Variants in PKNOX1 observed in about 807,000 individuals in gnomAD.
PKNOX1 encodes PBX/knotted 1 homeobox 1, also known as homeobox protein PKNOX1.
PKNOX1 carries 15 observed loss-of-function variants against 51.9 expected under a neutral mutation model. The ratio of observed to expected loss-of-function variants is 0.29; its 90% CI spans 0.19 to 0.45. The LOEUF (loss-of-function observed/expected upper bound fraction) is 0.45, where lower values mean the gene tolerates loss of function less well. Among genes scored for constraint, PKNOX1 ranks in the 20% least tolerant of loss-of-function variants. The probability of loss-of-function intolerance (pLI) is 1.00; values close to 1 mark genes in which losing one functional copy is unlikely to be tolerated. For missense variants in PKNOX1, 462 were observed against 547.5 expected (o/e 0.84, Z 1.56); for synonymous variants, 219 against 211.1 (o/e 1.04, Z -0.32).
At position 43,032,296 on chromosome 21, in the gene PKNOX1, C is replaced by G. The variant is rs1169231370; in HGVS notation, c.*2195C>G. ...TCCTTAAAATAAGCACCCATGAAAG[C>G]CAGCCAGCCCTTCCTCCTTCCCTCA... On this transcript the variant is annotated 3_prime_UTR_variant, in exon 11 of 11. Coordinates refer to ENST00000291547, the MANE Select transcript of PKNOX1 (RefSeq NM_004571.5). 1 of 357,286 alleles carries G rather than the reference C, an allele frequency of 2.8e-6. No individual in the cohort carries two copies. Among genetic ancestry groups the G allele is most frequent in the East Asian group, 7.6e-5 (1 of 13,106 alleles). The allele number at this position is 357,286 out of a possible 1,614,324, so 22.1% of individuals were successfully genotyped here. A position where few individuals can be genotyped will look rare whatever the true frequency, so the allele number is the denominator to read the frequency against.
chr21:43,015,522 G>C (rs1979451422), intron 5 of PKNOX1, among the ~76,000 whole-genome samples: 1 of 152,156 alleles, frequency 6.6e-6, no homozygotes, highest in Non-Finnish European at 1.5e-5. Context: ...ATATTTGTAA[G>C]GGATATTGGT....
At position 43,018,570 on chromosome 21, in the gene PKNOX1, G is replaced by A. The variant is rs1601298024; in HGVS notation, c.720+340G>A. 4.1e-5 allele frequency among the ~76,000 whole-genome samples: 6 copies of A among 144,702 alleles called. 1 individual carries two copies. Among genetic ancestry groups the A allele is most frequent in the African/African-American group, 1.6e-4 (6 of 38,430 alleles). 94.9% of individuals were successfully genotyped at this position (144,702 alleles called of 152,430 possible). On this transcript the variant is annotated intron_variant, in intron 7 of 10. Transcript: ENST00000291547. ...TGGATCATGTGCACGTGCACCAGGG[G>A]CAGAGGTCTTGTAGGCACACACTCC...
rs1369007977 is a variant in PKNOX1, at chr21:43,033,336, T to A, written c.*3235T>A. The A allele has an allele frequency of 1.3e-5, 2 of 152,586 alleles. No homozygotes were observed. The highest frequency in any genetic ancestry group is 4.8e-5 in the African/African-American group (2 of 41,442). 9.5% of individuals were successfully genotyped at this position (152,586 alleles called of 1,614,324 possible). On this transcript the variant is annotated 3_prime_UTR_variant, in exon 11 of 11. Transcript: ENST00000291547. ...CTGTGTGAGGTAGCAGTGGGCACTT[T>A]TCATTGAGACAAACTCCAGGGTGTC...
chr21:42,977,590 C>T (rs1046534259), intron 1 of PKNOX1, among the ~76,000 whole-genome samples: 3 of 124,862 alleles, frequency 2.4e-5, no homozygotes. Flanking sequence ...TCTTGTTGCC[C>T]AAGCTGGAGA....
At chr21:43,029,042 A>C (rs1042266401) in intron 10 of PKNOX1, 168 bp downstream of exon 10, 2 of 668,334 alleles carry the variant, frequency 3.0e-6, no homozygotes, top group Non-Finnish European at 5.3e-6. Flanking sequence ...TTCTGCGTGC[A>C]CGGGAGCTCT....
At chr21:43,025,826 A>G (rs777326906) in intron 9 of PKNOX1, among the ~76,000 whole-genome samples, 1 of 152,198 alleles carries the variant, frequency 6.6e-6, no homozygotes, top group Non-Finnish European at 1.5e-5. Flanking sequence ...CCAGCAAGAA[A>G]GTCTTTGTCT....
At position 43,021,589 on chromosome 21, in the gene PKNOX1, ACT is replaced by A. The variant is rs926695996; in HGVS notation, c.849+159_849+160del. 6.6e-6 allele frequency among the ~76,000 whole-genome samples: 1 copy of A among 152,164 alleles called. No individual in the cohort carries two copies. Among genetic ancestry groups the A allele is most frequent in the Non-Finnish European group, 1.5e-5 (1 of 68,018 alleles). ...GTCCATAATGTGGGGAGCGTGGGGC[ACT>A]GCTGCAGGGAACTTGAAGGGCAATG... On this transcript the variant is annotated intron_variant, in intron 8 of 10. Coordinates refer to ENST00000291547, the MANE Select transcript of PKNOX1 (RefSeq NM_004571.5). This position sits in a 1 kb window ranked among gnomAD's most constrained non-coding sequence, Gnocchi z 4.6.
intron 1 of PKNOX1, among the ~76,000 whole-genome samples, chr21:42,992,873 GCTT>G (rs1197354365): frequency 8.1e-5 from 12 of 148,312 alleles, no homozygotes; most frequent in Non-Finnish European, 1.6e-4. Flanking sequence ...AGCATTGGGG[GCTT>G]CTTTGATATC....
In PKNOX1 at chr21:43,021,175, C is replaced by A; in HGVS notation, c.721-128C>A. 1.5e-6 allele frequency: 1 copy of A among 683,794 alleles called. No individual in the cohort carries two copies. Among genetic ancestry groups the A allele is most frequent in the Non-Finnish European group, 2.4e-6 (1 of 415,104 alleles). The allele number at this position is 683,794 out of a possible 1,614,324, so 42.4% of individuals were successfully genotyped here. A position where few individuals can be genotyped will look rare whatever the true frequency, so the allele number is the denominator to read the frequency against. ...GAAACATCAGTCCACACAGGGTTCC[C>A]GTGCATGGGCCTCGACTACAATCAT... On this transcript the variant is annotated intron_variant, in intron 7 of 10. Transcript: ENST00000291547. This position sits in a 1 kb window ranked among gnomAD's most constrained non-coding sequence, Gnocchi z 4.6.
intron 5 of PKNOX1, 143 bp from the exon 6 acceptor site, chr21:43,016,765 A>C: frequency 1.8e-6 from 1 of 567,594 alleles, no homozygotes; most frequent in Non-Finnish European, 3.1e-6. Flanking sequence ...GTGCATTCTG[A>C]AGCCGCGTCA....
intron 1 of PKNOX1, among the ~76,000 whole-genome samples, chr21:42,991,100 G>A (rs2059084984): frequency 6.6e-6 from 1 of 152,092 alleles, no homozygotes; most frequent in African/African-American, 2.4e-5. Context: ...ACATTTTGGG[G>A]TAGCATGTCC....
chr21:43,018,474 C>CCACACACACACA, intron 7 of PKNOX1, among the ~76,000 whole-genome samples: 2 of 14,450 alleles, frequency 1.4e-4, no homozygotes, highest in East Asian at 2.4e-3. Context: ...CCCCTGCCAC[C>CCACACACACACA]CACACACACA....
chr21:42,982,010 C>G (rs1483520332), intron 1 of PKNOX1, among the ~76,000 whole-genome samples: 1 of 152,226 alleles, frequency 6.6e-6, no homozygotes, highest in Non-Finnish European at 1.5e-5. Flanking sequence ...CCTCCACTGT[C>G]TGTTCCATCT....
chr21:43,007,174 G>A (rs1365845402), intron 2 of PKNOX1, among the ~76,000 whole-genome samples: 2 of 152,212 alleles, frequency 1.3e-5, no homozygotes, highest in South Asian at 2.1e-4. Flanking sequence ...ATTGCTACAC[G>A]TGAGGAGATA....
At chr21:43,023,291 A>G (rs545743661) in intron 8 of PKNOX1, among the ~76,000 whole-genome samples, 1 of 152,066 alleles carries the variant, frequency 6.6e-6, no homozygotes, top group Admixed American at 6.5e-5. Context: ...GTTGAGTCAC[A>G]CTGCCGTTAG....
chr21:42,977,533 C>A lies in PKNOX1; in HGVS notation c.-57+2869C>A, dbSNP rs1331266544. On this transcript the variant is annotated intron_variant, in intron 1 of 10. Coordinates refer to ENST00000291547, the MANE Select transcript of PKNOX1 (RefSeq NM_004571.5). ...CCTCATGAACCAGCCTCTGCTGCTT[C>A]CAACTTTTTTTTTTTTTTTTTTTTT... is the stretch of plus-strand genomic sequence containing the variant. Among the ~76,000 whole-genome samples the A allele has an allele frequency of 4.5e-5, 6 of 134,098 alleles. No homozygotes were observed. In the East Asian group the frequency reaches 1.3e-3, roughly 30 times the overall value. 88.0% of individuals were successfully genotyped at this position (134,098 alleles called of 152,430 possible).
intron 1 of PKNOX1, among the ~76,000 whole-genome samples, chr21:42,979,037 C>G (rs909433735): frequency 6.6e-6 from 1 of 152,214 alleles, no homozygotes; most frequent in Non-Finnish European, 1.5e-5. Flanking sequence ...GTAACTGGGA[C>G]TACAGGGATG....
rs372347856 is a variant in PKNOX1 at position 42,997,688 on chromosome 21, T to G, written c.-56-6638T>G. On this transcript the variant is annotated intron_variant, in intron 1 of 10. Transcript: ENST00000291547. ...GAGGGTGCTGTGTGAGGGTCCAGCATGGACAAACTTAACCCCAGTGTGGGT... is the reference window on the plus strand; with the variant it reads ...GAGGGTGCTGTGTGAGGGTCCAGCAGGGACAAACTTAACCCCAGTGTGGGT... 5.3e-5 allele frequency among the ~76,000 whole-genome samples: 8 copies of G among 152,284 alleles called. No homozygotes were observed. The South Asian group carries it at 6.2e-4, about 12-fold the overall frequency.
At chr21:42,990,136 C>A (rs952213930) in intron 1 of PKNOX1, among the ~76,000 whole-genome samples, 1 of 151,874 alleles carries the variant, frequency 6.6e-6, no homozygotes, top group Non-Finnish European at 1.5e-5. Context: ...ACACAGTGTG[C>A]CTGTAATCCC....
Sources: gnomAD v4.1 joint callset for allele counts (sites outside exome capture counted in the v4.1 genomes callset) on GRCh38, gnomAD v4.1.1 for gene constraint, Gnocchi (gnomAD v3.1) non-coding constraint, MANE v1.5 for transcripts, NCBI Gene and HGNC (gene_info 2026-07-23, HGNC 2026-07-21) for gene names.